Variants in EIF5 observed in about 807,000 individuals in gnomAD.
EIF5 encodes eukaryotic translation initiation factor 5.
EIF5 carries 10 observed loss-of-function variants against 48.3 expected under a neutral mutation model. The observed-to-expected ratio is 0.21, with a 90% CI of 0.13 to 0.35. EIF5 has a LOEUF of 0.35. Among genes scored for constraint, EIF5 ranks in the 10% least tolerant of loss-of-function variants. EIF5 has a pLI of 1.00. For synonymous variants in EIF5, 237 were observed against 173.1 expected (o/e 1.37, Z -2.90); for missense variants, 397 against 533.2 (o/e 0.74, Z 2.51).
chr14:103,337,692 T>G (rs996429711), intron 6 of EIF5: 1 of 376,748 alleles, frequency 2.7e-6, no homozygotes, highest in Non-Finnish European at 5.2e-6. Flanking sequence ...CCATTAAAGG[T>G]GAAAAATAGG....
rs1329739543 is a variant in EIF5 at position 103,343,823 on chromosome 14, C to T, written c.*2771C>T. 6.6e-6 allele frequency: 1 copy of T among 151,878 alleles called. No homozygotes were observed. Among genetic ancestry groups the T allele is most frequent in the South Asian group, 2.1e-4 (1 of 4,814 alleles). 9.4% of individuals were successfully genotyped at this position (151,878 alleles called of 1,614,324 possible). A position where few individuals can be genotyped will look rare whatever the true frequency, so the allele number is the denominator to read the frequency against. ...AAGGTCACTTATCTAACAAAATAACCCTTCATGTATTTTAAATTTATTTGA... is the reference window on the plus strand; with the variant it reads ...AAGGTCACTTATCTAACAAAATAACTCTTCATGTATTTTAAATTTATTTGA... On this transcript the variant is annotated 3_prime_UTR_variant, in exon 12 of 12. Transcript: ENST00000216554.
chr14:103,340,308 C>T, intron 10 of EIF5, 119 bp from the exon 11 acceptor site: 1 of 1,072,074 alleles, frequency 9.3e-7, no homozygotes, highest in East Asian at 2.4e-5. Context: ...TACATTGATT[C>T]TGTTTGAGGA....
At position 103,338,379 on chromosome 14, in the gene EIF5, G is replaced by A. The variant is rs143052274; in HGVS notation, c.492G>A (p.Lys164=). The change falls in exon 7 of 12, where the codon AAG becomes AAA. Residue 164 remains lysine (K), a synonymous_variant. Coordinates refer to ENST00000216554, the MANE Select transcript of EIF5 (RefSeq NM_001969.5). ...GKKEKEKKNR[K]GKDKENGSVS... ...AAGAAAAAGAAAAGAAAAACAGAAA[G>A]GGCAAAGACAAGGAAAATGGCTCCG... 9.9e-5 allele frequency: 159 copies of A among 1,613,744 alleles called. 1 individual carries two copies. The East Asian group carries it at 2.1e-3, about 22-fold the overall frequency.
At position 103,337,246 on chromosome 14, in the gene EIF5, A is replaced by C. The variant is rs778011825; in HGVS notation, c.439+19A>C. The C allele has an allele frequency of 6.3e-7, 1 of 1,577,030 alleles. No homozygotes were observed. Among genetic ancestry groups the C allele is most frequent in the Non-Finnish European group, 8.7e-7 (1 of 1,154,662 alleles). Reference sequence around the variant, plus strand: ...CCACCTGGTGAGTCTTCCATGATGAACTCCTAAGATCCTAAGATAAGTTAC... The same window carrying C: ...CCACCTGGTGAGTCTTCCATGATGACCTCCTAAGATCCTAAGATAAGTTAC... On this transcript the variant is annotated intron_variant, in intron 6 of 11. Coordinates refer to ENST00000216554, the MANE Select transcript of EIF5 (RefSeq NM_001969.5).
At chr14:103,336,012 A>G (rs2089280703) in intron 3 of EIF5, 24 bp from the exon 4 acceptor site, 1 of 1,614,052 alleles carries the variant, frequency 6.2e-7, no homozygotes, top group Non-Finnish European at 8.5e-7. Flanking sequence ...GAAACTGCAC[A>G]ACTAAAATTC....
intron 7 of EIF5, 63 bp from the exon 8 acceptor site, chr14:103,338,672 A>C: frequency 1.3e-6 from 2 of 1,575,414 alleles, no homozygotes; most frequent in Non-Finnish European, 1.7e-6. Flanking sequence ...ACTTGGCAAA[A>C]TCTGAACCTT....
intron 6 of EIF5, 138 bp downstream of exon 6, chr14:103,337,365 G>T: frequency 1.4e-6 from 1 of 713,016 alleles, no homozygotes; most frequent in Non-Finnish European, 2.3e-6. Flanking sequence ...CGCATTTTGG[G>T]AGGCCAGGGC....
Position 103,339,743 on chromosome 14 carries a change from G to A in EIF5, c.1011G>A (p.Leu337=). ...AQLISKIPHI[L]KEMYDADLLE... is the part of the protein sequence containing the mutation. ...TTATCTCCAAGATTCCACATATCTT[G>A]AAGGAGATGTACGATGCAGACCTTT... The change falls in exon 10 of 12, where the codon TTG becomes TTA. Residue 337 remains leucine (L), a synonymous_variant. Transcript: ENST00000216554. 3.7e-6 allele frequency: 6 copies of A among 1,614,216 alleles called. No individual in the cohort carries two copies. Among genetic ancestry groups the A allele is most frequent in the Non-Finnish European group, 5.1e-6 (6 of 1,180,038 alleles).
In EIF5 at chr14:103,344,456, A is replaced by G. The variant is rs187785864; in HGVS notation, c.*3404A>G. ...CTGCAGTTCGGTTATGCAGTCAATT[A>G]TTTCTTTTTAAGAGGAGGAGGATTC... On this transcript the variant is annotated 3_prime_UTR_variant, in exon 12 of 12. Transcript: ENST00000216554. 1.5e-4 allele frequency: 23 copies of G among 152,312 alleles called. No homozygotes were observed. Among genetic ancestry groups the G allele is most frequent in the Non-Finnish European group, 1.8e-4 (12 of 68,044 alleles). 9.4% of individuals were successfully genotyped at this position (152,312 alleles called of 1,614,324 possible). A position where few individuals can be genotyped will look rare whatever the true frequency, so the allele number is the denominator to read the frequency against.
At position 103,344,720 on chromosome 14, in the gene EIF5, A is replaced by G. The variant is rs747158441; in HGVS notation, c.*3668A>G. Reference sequence around the variant, plus strand: ...TCAGTTAACTAAAAAATAAAAATCAAGTCTTTAGGAGAGTAGAAAACACAA... The same window carrying G: ...TCAGTTAACTAAAAAATAAAAATCAGGTCTTTAGGAGAGTAGAAAACACAA... On this transcript the variant is annotated 3_prime_UTR_variant, in exon 12 of 12. Transcript: ENST00000216554. 1 of 152,134 alleles carries G rather than the reference A, an allele frequency of 6.6e-6. No homozygotes were observed. The highest frequency in any genetic ancestry group is 1.5e-5 in the Non-Finnish European group (1 of 68,002). The allele number at this position is 152,134 out of a possible 1,614,324, so 9.4% of individuals were successfully genotyped here.
At chr14:103,337,335 T>G in intron 6 of EIF5, 108 bp downstream of exon 6, 1 of 929,972 alleles carries the variant, frequency 1.1e-6, no homozygotes, top group Non-Finnish European at 1.6e-6. Context: ...CTGGGCACGG[T>G]GGCTCATGCT....
At chr14:103,338,130 T>G in intron 6 of EIF5, 197 bp from the exon 7 acceptor site, 1 of 791,336 alleles carries the variant, frequency 1.3e-6, no homozygotes, top group Non-Finnish European at 2.1e-6. Context: ...TGTCACTCCA[T>G]TCTTAGACTA....
At position 103,335,865 on chromosome 14, in the gene EIF5, C is replaced by T; in HGVS notation, c.5C>T (p.Ser2Phe). The change falls in exon 3 of 12, where the codon TCT becomes TTT. Residue 2 changes from serine (S) to phenylalanine (F), a missense_variant. Physicochemically the swap from Ser to Phe is radical, Grantham distance 155. Around this residue, in one of 4 missense-constraint regions of EIF5, gnomAD observed 108 missense variants for 188.3 expected, o/e 0.57. Coordinates refer to ENST00000216554, the MANE Select transcript of EIF5 (RefSeq NM_001969.5). MSVNVNRSVSDQ... is the reference protein window; with the variant it reads MFVNVNRSVSDQ... Reference sequence around the variant, plus strand: ...TAAAGCCACTAATAAGCCAAAATGTCTGTCAATGTCAACCGCAGCGTGTCA... The same window carrying T: ...TAAAGCCACTAATAAGCCAAAATGTTTGTCAATGTCAACCGCAGCGTGTCA... The T allele has an allele frequency of 6.2e-7, 1 of 1,614,180 alleles. No individual in the cohort carries two copies. Among genetic ancestry groups the T allele is most frequent in the Non-Finnish European group, 8.5e-7 (1 of 1,180,012 alleles).
intron 11 of EIF5, 78 bp from the exon 12 acceptor site, chr14:103,340,885 T>A: frequency 6.8e-7 from 1 of 1,462,630 alleles, no homozygotes; most frequent in Non-Finnish European, 9.5e-7. Flanking sequence ...TTTCCTCCTC[T>A]GTGACCACAA....
chr14:103,338,664 T>C, intron 7 of EIF5, 71 bp from the exon 8 acceptor site: 1 of 1,566,288 alleles, frequency 6.4e-7, no homozygotes, highest in Non-Finnish European at 8.6e-7. Flanking sequence ...TGCCATTAAC[T>C]TGGCAAAATC....
intron 5 of EIF5, 122 bp downstream of exon 5, chr14:103,336,971 T>C: frequency 1.4e-6 from 2 of 1,395,284 alleles, no homozygotes; most frequent in Non-Finnish European, 1.9e-6. Context: ...ACTCCAGTTT[T>C]CGAGATATTT....
rs144213902 is a variant in EIF5, at chr14:103,343,557, T to G, written c.*2505T>G. On this transcript the variant is annotated 3_prime_UTR_variant, in exon 12 of 12. Transcript: ENST00000216554. ...AATTTTTAGTGTGGGTCCTAAAGTT[T>G]AGAGATGGGCAAGGAGGTCTCTAAT... is the stretch of plus-strand genomic sequence containing the variant. 181 of 152,322 alleles carry G rather than the reference T, an allele frequency of 1.2e-3. No homozygotes were observed. The highest frequency in any genetic ancestry group is 4.2e-3 in the African/African-American group (175 of 41,566). The allele number at this position is 152,322 out of a possible 1,614,324, so 9.4% of individuals were successfully genotyped here. A position where few individuals can be genotyped will look rare whatever the true frequency, so the allele number is the denominator to read the frequency against.
Position 103,340,546 on chromosome 14 carries a change from AGAT to A in EIF5, c.1194_1196del (p.Asp398del), listed in dbSNP as rs1566723313. 1.2e-6 allele frequency: 2 copies of A among 1,612,308 alleles called. No individual in the cohort carries two copies. The highest frequency in any genetic ancestry group is 1.3e-5 in the African/African-American group (1 of 75,046). ...CTTCTGGTGGCGAAGAAGAAGATGAAGATGAGAACATTGAGGTAAACATTGGGG... is the reference window on the plus strand; with the variant it reads ...CTTCTGGTGGCGAAGAAGAAGATGAAGAGAACATTGAGGTAAACATTGGGG... On this transcript the variant is annotated inframe_deletion, in exon 11 of 12. Coordinates refer to ENST00000216554, the MANE Select transcript of EIF5 (RefSeq NM_001969.5).
chr14:103,337,302 T>G (rs1179888877), intron 6 of EIF5, 75 bp downstream of exon 6: 80 of 1,307,034 alleles, frequency 6.1e-5, no homozygotes, highest in Non-Finnish European at 7.5e-5. Context: ...GAAGGTTTTT[T>G]TGTAATAGGA....
Sources: allele counts gnomAD v4.1 joint callset, GRCh38; gene constraint gnomAD v4.1.1; regional missense constraint gnomAD v4.1.1; transcripts MANE v1.5; gene names NCBI Gene and HGNC (gene_info 2026-07-23, HGNC 2026-07-21).